TOP3A: variants seen among roughly 807,000 people sequenced by gnomAD.
TOP3A encodes the protein DNA topoisomerase III alpha, also known as DNA topoisomerase 3-alpha.
A neutral mutation model predicts 111.3 loss-of-function variants in TOP3A; 64 were observed. The ratio of observed to expected loss-of-function variants is 0.57; its 90% confidence interval spans 0.47 to 0.71. TOP3A has a LOEUF of 0.71. TOP3A is among the 30% of genes least tolerant of loss of function. The pLI, the probability that TOP3A is intolerant of heterozygous loss-of-function variation, is 0.00. For synonymous variants in TOP3A, 484 were observed against 485.1 expected, an observed-to-expected ratio of 1.00 and a Z score of 0.03; for missense variants, 1,104 against 1,285.0, an observed-to-expected ratio of 0.86 and a Z score of 2.15.
At position 18,292,655 on chromosome 17, in the gene TOP3A, T is replaced by C; in HGVS notation, c.1271A>G (p.Asn424Ser). 1.3e-6 allele frequency: 2 copies of C among 1,567,270 alleles called. No individual in the cohort carries two copies. The highest frequency in any genetic ancestry group is 1.7e-6 in the Non-Finnish European group (2 of 1,152,136). ...HPPIHPTKYT[N>S]NLQGDEQRLY... Reference sequence around the variant, plus strand: ...TTCAGGGAAACCAACCTGTAAGTTGTTGGTGTATTTGGTGGGGTGAATGGG... The same window carrying C: ...TTCAGGGAAACCAACCTGTAAGTTGCTGGTGTATTTGGTGGGGTGAATGGG... Residue 424 changes from asparagine (N) to serine (S), a missense_variant, in exon 11 of 19, where the codon AAC (asparagine) becomes AGC (serine). Coordinates refer to ENST00000321105, the MANE Select transcript of TOP3A (RefSeq NM_004618.5).
At chr17:18,278,892 C>T (rs886601935) in intron 17 of TOP3A, among the ~76,000 whole-genome samples, 3 of 152,178 alleles carry the variant, frequency 2.0e-5, no homozygotes, top group African/African-American at 7.2e-5. Flanking sequence ...GCAGGAGAAC[C>T]TCTTGAACCT....
At chr17:18,282,871 C>T (rs746913398) in intron 15 of TOP3A, 30 bp from the exon 16 acceptor site, 5 of 1,612,712 alleles carry the variant, frequency 3.1e-6, no homozygotes, top group Non-Finnish European at 4.2e-6. Context: ...AGACACCCAT[C>T]AGCCAGCAAT....
chr17:18,296,915 G>C (rs1357334298), intron 9 of TOP3A, among the ~76,000 whole-genome samples: 19 of 152,042 alleles, frequency 1.2e-4, no homozygotes, highest in Admixed American at 1.2e-3. Context: ...TCATATAGCA[G>C]ATTATTTAAA....
intron 9 of TOP3A, among the ~76,000 whole-genome samples, chr17:18,298,377 A>G (rs1980990972): frequency 7.2e-6 from 1 of 138,812 alleles, no homozygotes; most frequent in African/African-American, 3.0e-5. Flanking sequence ...TCCGGGAGGG[A>G]GGTGGGGGGG....
chr17:18,298,751 T>C (rs1309512314), intron 9 of TOP3A, among the ~76,000 whole-genome samples: 1 of 152,120 alleles, frequency 6.6e-6, no homozygotes, highest in Non-Finnish European at 1.5e-5. Context: ...TCTGTGACCT[T>C]ACCCCCAACC....
rs1979034223 is a variant in TOP3A, at chr17:18,272,148, T to TAAGC, written c.*2650_*2653dup. Among the ~76,000 whole-genome samples, 1 of 152,170 alleles carries TAAGC rather than the reference T, an allele frequency of 6.6e-6. No homozygotes were observed. The highest frequency in any genetic ancestry group is 1.5e-5 in the Non-Finnish European group (1 of 68,030). On this transcript the variant is annotated 3_prime_UTR_variant, in exon 19 of 19. Transcript: ENST00000321105. ...CCAAAGAATGTATACCAATGGCCAG[T>TAAGC]AAGCCTGTGGAAAGATGGTCAATGT...
intron 18 of TOP3A, 111 bp downstream of exon 18, chr17:18,277,564 C>T: frequency 7.9e-7 from 1 of 1,269,548 alleles, no homozygotes; most frequent in African/African-American, 1.5e-5. Context: ...GCCCAGGTGC[C>T]CCTCCCAATC....
At chr17:18,279,402 G>A (rs1210276507) in intron 17 of TOP3A, among the ~76,000 whole-genome samples, 15 of 151,616 alleles carry the variant, frequency 9.9e-5, no homozygotes, top group African/African-American at 3.2e-4. Context: ...GACTACAGGC[G>A]CCCACCAGTA....
At position 18,308,943 on chromosome 17, in the gene TOP3A, T is replaced by C; in HGVS notation, c.181-2A>G. On this transcript the variant is annotated splice_acceptor_variant, in intron 1 of 18. Transcript: ENST00000321105. LOFTEE classifies it high-confidence loss of function. ...GTTGAATTTTGAAAGTCCTTCTCTC[T>C]ATAAAACAAAAATAAGTAAAAAATA... is the stretch of plus-strand genomic sequence containing the variant. 1 of 1,474,406 alleles carries C rather than the reference T, an allele frequency of 6.8e-7. No homozygotes were observed. Among genetic ancestry groups the C allele is most frequent in the Non-Finnish European group, 9.3e-7 (1 of 1,079,266 alleles). 91.3% of individuals were successfully genotyped at this position (1,474,406 alleles called of 1,614,324 possible). A position where few individuals can be genotyped will look rare whatever the true frequency, so the allele number is the denominator to read the frequency against.
At chr17:18,283,557 G>A (rs745914783) in intron 15 of TOP3A, among the ~76,000 whole-genome samples, 7 of 152,106 alleles carry the variant, frequency 4.6e-5, no homozygotes, top group Non-Finnish European at 8.8e-5. Flanking sequence ...ATGTATGGGA[G>A]TTTTCCCCAT....
chr17:18,302,047 T>A, intron 7 of TOP3A, 62 bp from the exon 8 acceptor site: 1 of 1,523,412 alleles, frequency 6.6e-7, no homozygotes, highest in South Asian at 1.2e-5. Context: ...ATATGACAGA[T>A]AGAAAAAGGT....
At chr17:18,296,737 G>C (rs1030950916) in intron 9 of TOP3A, among the ~76,000 whole-genome samples, 1 of 152,144 alleles carries the variant, frequency 6.6e-6, no homozygotes, top group African/African-American at 2.4e-5. Flanking sequence ...TGAGTGTTCT[G>C]TATGTCCAAC....
intron 16 of TOP3A, among the ~76,000 whole-genome samples, chr17:18,281,246 G>A (rs556332174): frequency 2.6e-5 from 4 of 152,082 alleles, no homozygotes; most frequent in South Asian, 2.1e-4. Context: ...CCTCATGAGT[G>A]TGCCTGGGTA....
rs1333473126 is a variant in TOP3A, at chr17:18,290,832, T to C, written c.1467+10A>G. On this transcript the variant is annotated intron_variant, in intron 12 of 18. Transcript: ENST00000321105. ...TGTCCTCCCTCTCACTGGGGACCACTCTTTATTACCTTGTCACTCCAGTGA... is the reference window on the plus strand; with the variant it reads ...TGTCCTCCCTCTCACTGGGGACCACCCTTTATTACCTTGTCACTCCAGTGA... 1.2e-6 allele frequency: 2 copies of C among 1,612,394 alleles called. No homozygotes were observed. Among genetic ancestry groups the C allele is most frequent in the South Asian group, 1.1e-5 (1 of 91,046 alleles).
At chr17:18,276,150 A>G (rs149552646) in intron 18 of TOP3A, among the ~76,000 whole-genome samples, 1 of 152,248 alleles carries the variant, frequency 6.6e-6, no homozygotes, top group Non-Finnish European at 1.5e-5. Flanking sequence ...GGCCCTTTTT[A>G]CAGAGGCAGA....
chr17:18,290,453 T>C (rs1273552897), intron 13 of TOP3A, 104 bp downstream of exon 13: 11 of 1,274,090 alleles, frequency 8.6e-6, no homozygotes, highest in African/African-American at 3.0e-5. Flanking sequence ...GATAAAGATA[T>C]AGCAGCTGCA....
At position 18,271,880 on chromosome 17, in the gene TOP3A, T is replaced by C. The variant is rs1979018857; in HGVS notation, c.*2922A>G. 1 of 362,570 alleles carries C rather than the reference T, an allele frequency of 2.8e-6. No individual in the cohort carries two copies. Among genetic ancestry groups the C allele is most frequent in the South Asian group, 1.9e-5 (1 of 52,154 alleles). 22.5% of individuals were successfully genotyped at this position (362,570 alleles called of 1,614,324 possible). On this transcript the variant is annotated 3_prime_UTR_variant, in exon 19 of 19. Coordinates refer to ENST00000321105, the MANE Select transcript of TOP3A (RefSeq NM_004618.5). ...GAGTTTGAGACCAGCCTGGCCAACA[T>C]GGTGAAACCCCGTCTTTACTAAAAA...
At chr17:18,302,929 C>A in intron 5 of TOP3A, 1 of 525,612 alleles carries the variant, frequency 1.9e-6, no homozygotes, top group Non-Finnish European at 3.3e-6. Context: ...AGTGTACTGT[C>A]AGAAATAGTG....
At chr17:18,285,086 C>G (rs1980001737) in intron 15 of TOP3A, 56 bp downstream of exon 15, 1 of 1,590,902 alleles carries the variant, frequency 6.3e-7, no homozygotes, top group South Asian at 1.1e-5. Context: ...GCCAGGAGTT[C>G]AAGACCAGCC....
Sources: allele counts gnomAD v4.1 joint callset (sites outside exome capture counted in the v4.1 genomes callset), GRCh38; gene constraint gnomAD v4.1.1; transcripts MANE v1.5; gene names NCBI Gene and HGNC (gene_info 2026-07-23, HGNC 2026-07-21).